DNAH6: variants seen among roughly 807,000 people sequenced by gnomAD.
The protein encoded by DNAH6 is dynein axonemal heavy chain 6.
DNAH6 carries 340 observed loss-of-function variants against 491.4 expected under a neutral mutation model. The ratio of observed to expected loss-of-function variants is 0.69; its 90% CI spans 0.63 to 0.76. The LOEUF (loss-of-function observed/expected upper bound fraction) is 0.76. Ranked by LOEUF, DNAH6 falls within the 30% of genes least tolerant of loss-of-function variation. The pLI is 0.00. For missense variants in DNAH6, 4,443 were observed against 4,972.2 expected (o/e 0.89, Z 3.20); for synonymous variants, 1,603 against 1,686.1 (o/e 0.95, Z 1.21).
At chr2:84,556,612 C>T (rs1363266722) in intron 10 of DNAH6, among the ~76,000 whole-genome samples, 1 of 152,110 alleles carries the variant, frequency 6.6e-6, no homozygotes. Context: ...TTGAAAAACA[C>T]AGGAAAAGAT....
intron 36 of DNAH6, 24 bp downstream of exon 36, chr2:84,658,498 A>G (rs1465830497): frequency 5.8e-6 from 8 of 1,376,440 alleles, no homozygotes; most frequent in Admixed American, 6.5e-5. Flanking sequence ...TCTTATTGCT[A>G]TGAAGCTAGA....
chr2:84,474,428 A>G, the DNAH6 span, among the ~76,000 whole-genome samples: 2 of 150,172 alleles, frequency 1.3e-5, no homozygotes, highest in Admixed American at 6.6e-5. Flanking sequence ...CAGAGGCTCA[A>G]CAATGGCTGC....
At chr2:84,661,752 C>G (rs1379239491) in intron 37 of DNAH6, among the ~76,000 whole-genome samples, 1 of 152,082 alleles carries the variant, frequency 6.6e-6, no homozygotes, top group Non-Finnish European at 1.5e-5. Context: ...ACTTCAATCC[C>G]AAAATCCCAA....
At chr2:84,499,703 T>A in the DNAH6 span, among the ~76,000 whole-genome samples, 1 of 152,214 alleles carries the variant, frequency 6.6e-6, no homozygotes, top group Non-Finnish European at 1.5e-5. Context: ...CAGAGTTTGT[T>A]ATTGCCTATC....
At chr2:84,670,550 A>G (rs1692632645) in intron 39 of DNAH6, 75 bp downstream of exon 39, 1 of 1,024,158 alleles carries the variant, frequency 9.8e-7, no homozygotes, top group Non-Finnish European at 1.4e-6. Flanking sequence ...AGTGCATGTA[A>G]TAAAATGACA....
At position 84,595,035 on chromosome 2, in the gene DNAH6, G is replaced by A. The variant is rs1205501031; in HGVS notation, c.2725-611G>A. Among the ~76,000 whole-genome samples the A allele has an allele frequency of 2.6e-5, 4 of 152,260 alleles. No homozygotes were observed. The East Asian group carries it at 7.7e-4, about 29-fold the overall frequency. The stretch of plus-strand genomic sequence containing the variant: ...CTGATTACCACCATGGATTAGAGCA[G>A]TGGCTTCCACCGTAGGATGCATTCA... On this transcript the variant is annotated intron_variant, in intron 17 of 76. Coordinates refer to ENST00000389394, the MANE Select transcript of DNAH6 (RefSeq NM_001370.2).
At chr2:84,525,282 A>G (rs1676506024) in intron 2 of DNAH6, among the ~76,000 whole-genome samples, 1 of 152,074 alleles carries the variant, frequency 6.6e-6, no homozygotes, top group South Asian at 2.1e-4. Flanking sequence ...TAGGGAGTAT[A>G]TGATTTCATA....
At chr2:84,555,014 C>G (rs369973370) in intron 10 of DNAH6, among the ~76,000 whole-genome samples, 2 of 152,196 alleles carry the variant, frequency 1.3e-5, no homozygotes, top group Non-Finnish European at 2.9e-5. Flanking sequence ...GCATGCTTGT[C>G]TATTCATACC....
chr2:84,745,448 G>A (rs1466742545), intron 63 of DNAH6, among the ~76,000 whole-genome samples, 199 bp downstream of exon 63: 2 of 152,258 alleles, frequency 1.3e-5, no homozygotes, highest in East Asian at 1.9e-4. Context: ...GGTGGATCAC[G>A]GGGTCAGGAG....
chr2:84,749,832 C>G (rs191417236), intron 63 of DNAH6, among the ~76,000 whole-genome samples: 1 of 152,282 alleles, frequency 6.6e-6, no homozygotes, highest in Admixed American at 6.5e-5. Context: ...AAATTATAGA[C>G]TATGAAAATT....
chr2:84,817,976 T>A (rs577293618), intron 76 of DNAH6, among the ~76,000 whole-genome samples: 1 of 152,108 alleles, frequency 6.6e-6, no homozygotes, highest in African/African-American at 2.4e-5. Context: ...ATCTCCAACA[T>A]TGGGGATCAA....
At chr2:84,687,770 G>T (rs1157692886) in intron 44 of DNAH6, among the ~76,000 whole-genome samples, 1 of 151,542 alleles carries the variant, frequency 6.6e-6, no homozygotes. Flanking sequence ...ACAAGGACTC[G>T]ACTCCCTACA....
rs779138480 is a variant in DNAH6 at position 84,709,353 on chromosome 2, G to A, written c.9059G>A (p.Cys3020Tyr). 3.8e-5 allele frequency: 59 copies of A among 1,551,508 alleles called. No homozygotes were observed. The highest frequency in any genetic ancestry group is 5.0e-5 in the Non-Finnish European group (57 of 1,146,986). The change falls in exon 55 of 77, where the codon TGT becomes TAT. Residue 3020 changes from cysteine to tyrosine, a missense_variant. Cys to Tyr is a radical substitution (Grantham distance 194, BLOSUM62 -2). Transcript: ENST00000389394. ...TTCCCCCTTCTACAGCTTATAGAGT[G>A]TTGGATCCAGGACTGTCAGTCTCTG... is the stretch of plus-strand genomic sequence containing the variant. ...TAQYRQSLIE[C>Y]WIQDCQSLEI...
At chr2:84,652,862 C>T (rs748636588) in intron 33 of DNAH6, among the ~76,000 whole-genome samples, 3 of 151,870 alleles carry the variant, frequency 2.0e-5, no homozygotes, top group Non-Finnish European at 4.4e-5. Flanking sequence ...TGAATAGCCA[C>T]ATACAGTTAA....
intron 37 of DNAH6, among the ~76,000 whole-genome samples, chr2:84,668,472 A>G (rs775331505): frequency 6.6e-6 from 1 of 152,146 alleles, no homozygotes; most frequent in Non-Finnish European, 1.5e-5. Flanking sequence ...TATGTTACCT[A>G]CCTGCTTAGA....
chr2:84,523,101 T>C (rs1676300908), intron 2 of DNAH6, among the ~76,000 whole-genome samples: 1 of 151,030 alleles, frequency 6.6e-6, no homozygotes, highest in Non-Finnish European at 1.5e-5. Flanking sequence ...TGGTCATTGC[T>C]AGGCTATTTA....
intron 18 of DNAH6, among the ~76,000 whole-genome samples, chr2:84,598,896 G>A (rs1179447268): frequency 1.3e-5 from 2 of 152,068 alleles, no homozygotes; most frequent in Non-Finnish European, 2.9e-5. Context: ...TGGGCGTGGT[G>A]GCTTGTGCCT....
intron 18 of DNAH6, among the ~76,000 whole-genome samples, chr2:84,603,505 T>G (rs1361635102): frequency 6.6e-6 from 1 of 152,138 alleles, no homozygotes; most frequent in Non-Finnish European, 1.5e-5. Flanking sequence ...CCCACTGCTA[T>G]TTTTACTCAG....
intron 45 of DNAH6, among the ~76,000 whole-genome samples, chr2:84,691,170 A>G (rs1030168964): frequency 1.3e-5 from 2 of 152,250 alleles, no homozygotes; most frequent in Admixed American, 6.5e-5. Context: ...CAATCCATTT[A>G]TAAGTAAATT....
Sources: allele counts gnomAD v4.1 joint callset (sites outside exome capture counted in the v4.1 genomes callset), GRCh38; gene constraint gnomAD v4.1.1; transcripts MANE v1.5; gene names NCBI Gene and HGNC (gene_info 2026-07-23, HGNC 2026-07-21).